The following ARHGAP32 variants were observed in gnomAD, a reference collection of about 807,000 sequenced individuals.
The protein encoded by ARHGAP32 is Rho GTPase activating protein 32, also known as rho GTPase-activating protein 32.
In ARHGAP32, 51 loss-of-function variants were observed where a neutral mutation model predicts 186.5. That is an observed-to-expected ratio of 0.27 (90% CI 0.22 to 0.35). The LOEUF is 0.35. Among genes scored for constraint, ARHGAP32 ranks in the 10% least tolerant of loss-of-function variants. The pLI, the probability that ARHGAP32 is intolerant of heterozygous loss-of-function variation, is 1.00. For synonymous variants in ARHGAP32, 950 were observed against 964.3 expected, an observed-to-expected ratio of 0.99 and a Z score of 0.27; for missense variants, 2,186 against 2,623.5, an observed-to-expected ratio of 0.83 and a Z score of 3.64.
intron 10 of ARHGAP32, among the ~76,000 whole-genome samples, chr11:129,053,831 C>T (rs1940148490): frequency 6.6e-6 from 1 of 151,996 alleles, no homozygotes; most frequent in Admixed American, 6.6e-5. Context: ...ATATGATTTC[C>T]CATTACTTAA....
chr11:129,083,536 A>C (rs540299605), intron 6 of ARHGAP32, among the ~76,000 whole-genome samples: 1 of 152,338 alleles, frequency 6.6e-6, no homozygotes, highest in South Asian at 2.1e-4. Context: ...CAAAGGCATA[A>C]GAATGATACA....
At chr11:129,172,283 C>T (rs1016746046) in intron 1 of ARHGAP32, among the ~76,000 whole-genome samples, 1 of 152,156 alleles carries the variant, frequency 6.6e-6, no homozygotes, top group African/African-American at 2.4e-5. Context: ...TTTCTCCATT[C>T]AATATGATAT....
At chr11:129,073,254 G>C (rs1940927680) in intron 6 of ARHGAP32, among the ~76,000 whole-genome samples, 1 of 152,074 alleles carries the variant, frequency 6.6e-6, no homozygotes, top group Non-Finnish European at 1.5e-5. Flanking sequence ...AAAGACTGAA[G>C]ACACATCAGA....
chr11:129,058,646 G>C (rs747931961), intron 10 of ARHGAP32, among the ~76,000 whole-genome samples: 2 of 152,194 alleles, frequency 1.3e-5, no homozygotes, highest in Non-Finnish European at 2.9e-5. Flanking sequence ...AAGGCCCAGC[G>C]TTTCCCACTT....
At chr11:129,252,831 C>T (rs1945203778) in intron 1 of ARHGAP32, among the ~76,000 whole-genome samples, 1 of 152,158 alleles carries the variant, frequency 6.6e-6, no homozygotes. Flanking sequence ...AACGCTAATC[C>T]CTCTACTCAG....
intron 10 of ARHGAP32, among the ~76,000 whole-genome samples, chr11:129,046,862 C>T (rs4998797): frequency 0.19 from 29,600 of 151,976 alleles, 3,003 homozygotes; most frequent in Non-Finnish European, 0.2. Flanking sequence ...CGGTGGCTCA[C>T]GCCTGTAATC....
intron 1 of ARHGAP32, among the ~76,000 whole-genome samples, chr11:129,188,648 A>G (rs1334394740): frequency 1.3e-5 from 2 of 152,226 alleles, no homozygotes; most frequent in South Asian, 2.1e-4. Flanking sequence ...AGTCAAGTGC[A>G]TGAAGTATCA....
At chr11:129,080,963 T>C (rs1029712274) in intron 6 of ARHGAP32, among the ~76,000 whole-genome samples, 10 of 151,992 alleles carry the variant, frequency 6.6e-5, no homozygotes, top group Admixed American at 1.3e-4. Context: ...CATTCAAAGA[T>C]ATTATGAACT....
intron 1 of ARHGAP32, among the ~76,000 whole-genome samples, chr11:129,260,618 A>G (rs1945310067): frequency 6.6e-6 from 1 of 152,174 alleles, no homozygotes; most frequent in Non-Finnish European, 1.5e-5. Flanking sequence ...CTTTATCTAT[A>G]TACTTTAATA....
intron 6 of ARHGAP32, among the ~76,000 whole-genome samples, chr11:129,072,013 T>C (rs1215958953): frequency 4.6e-5 from 7 of 152,126 alleles, no homozygotes; most frequent in East Asian, 1.9e-4. Flanking sequence ...ACTGAATTCA[T>C]AGAAGCAGAG....
At chr11:129,081,636 G>A (rs1411984586) in intron 6 of ARHGAP32, among the ~76,000 whole-genome samples, 1 of 151,950 alleles carries the variant, frequency 6.6e-6, no homozygotes, top group East Asian at 1.9e-4. Flanking sequence ...CAAACCCGCA[G>A]CAAACATTAT....
chr11:129,041,690 G>A (rs1019307415), intron 10 of ARHGAP32, among the ~76,000 whole-genome samples: 6 of 152,130 alleles, frequency 3.9e-5, no homozygotes, highest in African/African-American at 1.2e-4. Flanking sequence ...TAGCAGAACC[G>A]CAGGCATTGC....
At chr11:129,200,419 T>G (rs2135574473) in intron 1 of ARHGAP32, among the ~76,000 whole-genome samples, 1 of 152,308 alleles carries the variant, frequency 6.6e-6, no homozygotes, top group South Asian at 2.1e-4. Context: ...TCCCCCATAC[T>G]TTTCTCATGG....
intron 1 of ARHGAP32, among the ~76,000 whole-genome samples, chr11:129,274,030 AAC>A (rs1267226502): frequency 7.9e-5 from 12 of 151,792 alleles, no homozygotes; most frequent in Admixed American, 2.0e-4. Flanking sequence ...AAAAAAAAAA[AAC>A]AACTGTGTTT....
At chr11:129,200,688 C>T (rs954702090) in intron 1 of ARHGAP32, among the ~76,000 whole-genome samples, 5 of 151,952 alleles carry the variant, frequency 3.3e-5, no homozygotes, top group South Asian at 4.2e-4. Flanking sequence ...GTCTCAGTTT[C>T]GTAATCTCTA....
intron 5 of ARHGAP32, among the ~76,000 whole-genome samples, chr11:129,102,624 C>T (rs1374715067): frequency 6.6e-6 from 1 of 152,148 alleles, no homozygotes; most frequent in Non-Finnish European, 1.5e-5. Flanking sequence ...TTCAAAATCA[C>T]TAATCATTAG....
At chr11:129,016,652 T>C (rs899999422) in intron 11 of ARHGAP32, among the ~76,000 whole-genome samples, 4 of 152,174 alleles carry the variant, frequency 2.6e-5, no homozygotes, top group African/African-American at 9.7e-5. Context: ...GAAAGATGAG[T>C]CCCTTCATTC....
intron 11 of ARHGAP32, among the ~76,000 whole-genome samples, chr11:129,037,471 C>T (rs1410291551): frequency 1.3e-5 from 2 of 151,546 alleles, no homozygotes; most frequent in Non-Finnish European, 2.9e-5. Context: ...CCAGCCTGGG[C>T]AACAAAGCAA....
At chr11:128,998,560 C>T (rs763569760) in intron 11 of ARHGAP32, 92 bp from the exon 12 acceptor site, 4 of 887,236 alleles carry the variant, frequency 4.5e-6, no homozygotes, top group Non-Finnish European at 6.4e-6. Context: ...AGGCTGACAG[C>T]AAAATAATCT....
Sources: allele counts gnomAD v4.1 joint callset (sites outside exome capture counted in the v4.1 genomes callset), GRCh38; gene constraint gnomAD v4.1.1; transcripts MANE v1.5; gene names NCBI Gene and HGNC (gene_info 2026-07-23, HGNC 2026-07-21).